Variants in LAMA1 observed in about 807,000 individuals in gnomAD.
The protein encoded by LAMA1 is laminin subunit alpha 1.
LAMA1 carries 219 observed loss-of-function variants against 348.7 expected under a neutral mutation model. The observed-to-expected ratio is 0.63, with a 90% confidence interval of 0.56 to 0.70. The LOEUF (loss-of-function observed/expected upper bound fraction) is 0.70. Ranked by LOEUF, LAMA1 falls within the 30% of genes least tolerant of loss-of-function variation. The probability of loss-of-function intolerance (pLI) is 0.00; values close to 1 mark genes in which losing one functional copy is unlikely to be tolerated. For missense variants in LAMA1, 3,744 were observed against 3,888.0 expected (o/e 0.96, Z 0.99); for synonymous variants, 1,487 against 1,491.0 (o/e 1.00, Z 0.06).
At position 7,016,561 on chromosome 18, in the gene LAMA1, TG is replaced by T; in HGVS notation, c.2918del (p.Pro973GlnfsTer51). Reference sequence around the variant, plus strand: ...TGTCACACCTTTTCCCTGCCACACCTGGGACACAGTGACACTGGCCTTCATC... The same window carrying T: ...TGTCACACCTTTTCCCTGCCACACCTGGACACAGTGACACTGGCCTTCATC... ...CTDEGQCHCV[P>X]GVAGKRCDRC... On this transcript the variant is annotated frameshift_variant, in exon 21 of 63. Transcript: ENST00000389658. LOFTEE classifies it high-confidence loss of function. 3.7e-6 allele frequency: 6 copies of T among 1,614,084 alleles called. No individual in the cohort carries two copies. The highest frequency in any genetic ancestry group is 5.1e-6 in the Non-Finnish European group (6 of 1,179,968).
At chr18:6,963,652 G>C (rs1471733270) in intron 51 of LAMA1, among the ~76,000 whole-genome samples, 3 of 152,144 alleles carry the variant, frequency 2.0e-5, no homozygotes, top group African/African-American at 7.2e-5. Flanking sequence ...GCTACAAATG[G>C]ACATTTGCTA....
intron 33 of LAMA1, among the ~76,000 whole-genome samples, chr18:6,997,076 TTTTTC>T (rs201408427): frequency 0.038 from 5,718 of 152,126 alleles, 347 homozygotes; most frequent in African/African-American, 0.12. Context: ...TTTCTTTTTC[TTTTTC>T]TGAGATGGAG....
intron 1 of LAMA1, among the ~76,000 whole-genome samples, chr18:7,091,268 T>C (rs1006000660): frequency 5.9e-5 from 9 of 152,212 alleles, no homozygotes; most frequent in Non-Finnish European, 1.3e-4. Flanking sequence ...ATGCAACACA[T>C]TTAAAATTTC....
chr18:7,038,592 CTGTTTTTTCCATAGAGAAATGTG>C, intron 11 of LAMA1, 195 bp downstream of exon 11: 1 of 655,334 alleles, frequency 1.5e-6, no homozygotes, highest in Non-Finnish European at 2.7e-6. Context: ...CCACATCATC[CTGTTTTTTCCATAGAGAAATGTG>C]TGTGGGAGTA....
intron 6 of LAMA1, 81 bp from the exon 7 acceptor site, chr18:7,044,920 T>C (rs2058035948): frequency 3.8e-6 from 4 of 1,039,334 alleles, no homozygotes; most frequent in Non-Finnish European, 6.1e-6. Flanking sequence ...AGAACCTATC[T>C]GTCAAATATG....
At chr18:6,991,307 T>C (rs1369107902) in intron 36 of LAMA1, among the ~76,000 whole-genome samples, 1 of 140,146 alleles carries the variant, frequency 7.1e-6, no homozygotes, top group Admixed American at 7.0e-5. Flanking sequence ...TTTTAAAAAA[T>C]ATAAAAAAAA....
At chr18:7,041,270 C>A (rs1391203399) in intron 9 of LAMA1, among the ~76,000 whole-genome samples, 1 of 152,134 alleles carries the variant, frequency 6.6e-6, no homozygotes, top group Non-Finnish European at 1.5e-5. Context: ...TGAGCTACAG[C>A]AAAGTGGGTT....
In LAMA1 at chr18:7,080,400, G is replaced by T; in HGVS notation, c.119C>A (p.Thr40Asn). The T allele has an allele frequency of 6.2e-7, 1 of 1,614,262 alleles. No homozygotes were observed. Among genetic ancestry groups the T allele is most frequent in the Non-Finnish European group, 8.5e-7 (1 of 1,180,048 alleles). Residue 40 changes from threonine to asparagine, a missense_variant, in exon 2 of 63, where the codon ACC (threonine) becomes AAC (asparagine). Around this residue, in one of 3 missense-constraint regions of LAMA1, gnomAD observed 1,529 missense variants for 1,689.4 expected, o/e 0.91. Coordinates refer to ENST00000389658, the MANE Select transcript of LAMA1 (RefSeq NM_005559.4). ...ASNAHISTNATCGEKGPEMFC... is the reference protein window; with the variant it reads ...ASNAHISTNANCGEKGPEMFC... ...CATCTCCGGCCCCTTCTCGCCACAG[G>T]TGGCATTGGTGCTGATGTGAGCATT...
chr18:7,100,885 C>T (rs1296589468), intron 1 of LAMA1, among the ~76,000 whole-genome samples: 1 of 152,130 alleles, frequency 6.6e-6, no homozygotes, highest in Non-Finnish European at 1.5e-5. Context: ...TGGCAGGTGC[C>T]TGTAATCCCA....
At chr18:7,077,199 C>CTT (rs71165719) in intron 3 of LAMA1, among the ~76,000 whole-genome samples, 49 of 119,762 alleles carry the variant, frequency 4.1e-4, no homozygotes, top group African/African-American at 5.8e-4. Context: ...CTGTTCTTTT[C>CTT]TTTTTTTTTT....
rs912281140 is a variant in LAMA1 at position 6,958,484 on chromosome 18, T to C, written c.7957A>G (p.Asn2653Asp). The change falls in exon 55 of 63, where the codon AAT (asparagine) becomes GAT (aspartate). Residue 2653 changes from asparagine (N) to aspartate (D), a missense_variant. Physicochemically the swap from Asn to Asp is conservative, Grantham distance 23. Coordinates refer to ENST00000389658, the MANE Select transcript of LAMA1 (RefSeq NM_005559.4). ...GAGAGCAGGTACACTTACTCCAAATTGAAGATCAGGTTTTTGATACAGCCA... is the reference window on the plus strand; with the variant it reads ...GAGAGCAGGTACACTTACTCCAAATCGAAGATCAGGTTTTTGATACAGCCA... ...FHGCIKNLIF[N>D]LELLDFNSAV... 5 of 1,614,040 alleles carry C rather than the reference T, an allele frequency of 3.1e-6. No homozygotes were observed. Among genetic ancestry groups the C allele is most frequent in the Non-Finnish European group, 4.2e-6 (5 of 1,180,034 alleles).
chr18:7,117,220 A>G (rs978099273), intron 1 of LAMA1, among the ~76,000 whole-genome samples: 2 of 151,926 alleles, frequency 1.3e-5, no homozygotes, highest in African/African-American at 2.4e-5. Flanking sequence ...GCGACTCGGG[A>G]GAGCTCTTTC....
intron 48 of LAMA1, among the ~76,000 whole-genome samples, chr18:6,970,828 G>A (rs560403196): frequency 6.6e-6 from 1 of 152,090 alleles, no homozygotes; most frequent in Non-Finnish European, 1.5e-5. Context: ...GATCAGGCTG[G>A]TATCGAACTC....
rs369875051 is a variant in LAMA1 at position 6,964,659 on chromosome 18, T to C, written c.7337+3A>G. On this transcript the variant is annotated splice_donor_region_variant and intron_variant, in intron 51 of 62. Transcript: ENST00000389658. ...GACATGAAAATTCTGCAGTTTAATA[T>C]ACCTTACAACTCTTGACCTTGGTAA... 5.0e-6 allele frequency: 8 copies of C among 1,614,058 alleles called. No individual in the cohort carries two copies. The highest frequency in any genetic ancestry group is 1.1e-5 in the South Asian group (1 of 91,086).
In LAMA1 at chr18:7,012,494, ATTATAT is replaced by A. The variant is rs1209962593; in HGVS notation, c.3364-362_3364-357del. 1.2e-3 allele frequency among the ~76,000 whole-genome samples: 156 copies of A among 124,972 alleles called. 2 individuals carry two copies. In the South Asian group the frequency reaches 0.027, roughly 22 times the overall value. 82.0% of individuals were successfully genotyped at this position (124,972 alleles called of 152,430 possible). On this transcript the variant is annotated intron_variant, in intron 23 of 62. Coordinates refer to ENST00000389658, the MANE Select transcript of LAMA1 (RefSeq NM_005559.4). Reference sequence around the variant, plus strand: ...GGTGATAAATATTATTATTATTATTATTATATTATTATTATTATTATTATTATTTAA... The same window carrying A: ...GGTGATAAATATTATTATTATTATTATATTATTATTATTATTATTATTTAA...
At chr18:7,073,822 T>TTGTGTG (rs112415914) in intron 3 of LAMA1, among the ~76,000 whole-genome samples, 162 of 139,872 alleles carry the variant, frequency 1.2e-3, no homozygotes, top group African/African-American at 4.0e-3. Context: ...ACCATACTGG[T>TTGTGTG]TGTGTGTGTG....
intron 47 of LAMA1, chr18:6,972,237 G>A (rs2057661719): frequency 2.3e-6 from 1 of 444,032 alleles, no homozygotes. Flanking sequence ...GAATCGTGTT[G>A]TACGAGTGAG....
At chr18:7,068,342 T>C (rs2058131792) in intron 3 of LAMA1, among the ~76,000 whole-genome samples, 1 of 152,182 alleles carries the variant, frequency 6.6e-6, no homozygotes, top group African/African-American at 2.4e-5. Context: ...ATAACCAACA[T>C]ACTGAAGGAA....
intron 33 of LAMA1, among the ~76,000 whole-genome samples, chr18:6,996,108 A>T (rs1386126341): frequency 1.6e-4 from 25 of 152,154 alleles, no homozygotes; most frequent in Non-Finnish European, 1.5e-5. Flanking sequence ...GTATATAGTG[A>T]TTGGAAAAAA....
Sources: gnomAD v4.1 joint callset for allele counts (sites outside exome capture counted in the v4.1 genomes callset) on GRCh38, gnomAD v4.1.1 for gene constraint, gnomAD v4.1.1 regional missense constraint, MANE v1.5 for transcripts, NCBI Gene and HGNC (gene_info 2026-07-23, HGNC 2026-07-21) for gene names.